UNC5C: variants seen among roughly 807,000 people sequenced by gnomAD.
UNC5C encodes the protein unc-5 netrin receptor C.
UNC5C carries 47 observed loss-of-function variants against 99.8 expected under a neutral mutation model. That is an observed-to-expected ratio of 0.47 (90% CI 0.37 to 0.60). UNC5C has a LOEUF of 0.60. Among genes scored for constraint, UNC5C ranks in the 20% least tolerant of loss-of-function variants. The pLI, the probability that UNC5C is intolerant of heterozygous loss-of-function variation, is 0.00. For synonymous variants in UNC5C, 487 were observed against 452.2 expected (o/e 1.08, Z -0.98); for missense variants, 1,062 against 1,165.9 (o/e 0.91, Z 1.30).
chr4:95,313,207 A>C (rs1742334851), intron 2 of UNC5C, among the ~76,000 whole-genome samples: 1 of 152,166 alleles, frequency 6.6e-6, no homozygotes, highest in Non-Finnish European at 1.5e-5. Flanking sequence ...ACATTCATTG[A>C]GTAAAGGAAT....
Position 95,202,928 on chromosome 4 carries a change from G to A in UNC5C, c.1939C>T (p.Pro647Ser), listed in dbSNP as rs760453427. 4 of 1,614,174 alleles carry A rather than the reference G, an allele frequency of 2.5e-6. No homozygotes were observed. The highest frequency in any genetic ancestry group is 3.4e-6 in the Non-Finnish European group (4 of 1,180,044). Residue 647 changes from proline to serine, a missense_variant, in exon 12 of 16, where the codon CCC becomes TCC. By Grantham distance (74) the Pro-to-Ser change is moderately conservative. This residue lies in a region of UNC5C where 810 missense variants were observed against 854.5 expected (regional missense o/e 0.95). Coordinates refer to ENST00000453304, the MANE Select transcript of UNC5C (RefSeq NM_003728.4). ...TCTGCATCCAGCTGAATGTAGCAGG[G>A]GGTGGTGAAGTTTTCCTCCCCGACC... ...VVVGEENFTT[P>S]CYIQLDAEAC... is the part of the protein sequence containing the mutation.
intron 7 of UNC5C, among the ~76,000 whole-genome samples, chr4:95,222,827 T>C (rs892673143): frequency 1.3e-5 from 2 of 152,194 alleles, no homozygotes; most frequent in Admixed American, 1.3e-4. Context: ...TGTTGTTTCT[T>C]GCCCCCTTCA....
intron 1 of UNC5C, among the ~76,000 whole-genome samples, chr4:95,512,395 A>ACAATAAGG (rs989477639): frequency 1.3e-5 from 2 of 152,144 alleles, no homozygotes; most frequent in Non-Finnish European, 2.9e-5. Flanking sequence ...TTTCAACCAA[A>ACAATAAGG]CAATAAGAAT....
intron 3 of UNC5C, among the ~76,000 whole-genome samples, chr4:95,298,880 G>T (rs558637779): frequency 6.6e-6 from 1 of 152,098 alleles, no homozygotes; most frequent in East Asian, 1.9e-4. Flanking sequence ...TGTTGTGAAA[G>T]GTAGTAAGAT....
intron 10 of UNC5C, among the ~76,000 whole-genome samples, chr4:95,214,795 G>A (rs921009017): frequency 6.6e-6 from 1 of 152,190 alleles, no homozygotes; most frequent in Admixed American, 6.5e-5. Context: ...CTGGAAGAGA[G>A]AAAGAAAAAT....
Position 95,462,206 on chromosome 4 carries a change from TTGACA to T in UNC5C, c.124+86523_124+86527del, listed in dbSNP as rs1747624299. 2.0e-5 allele frequency among the ~76,000 whole-genome samples: 3 copies of T among 152,176 alleles called. No homozygotes were observed. The South Asian group carries it at 6.2e-4, about 32-fold the overall frequency. On this transcript the variant is annotated intron_variant, in intron 1 of 15. Coordinates refer to ENST00000453304, the MANE Select transcript of UNC5C (RefSeq NM_003728.4). ...CTTTCTCTTTCTAAATATCTTCTGT[TTGACA>T]TATGTATGTGTACACATATTATACC... is the stretch of plus-strand genomic sequence containing the variant.
At chr4:95,507,843 C>T (rs1251969858) in intron 1 of UNC5C, among the ~76,000 whole-genome samples, 1 of 152,012 alleles carries the variant, frequency 6.6e-6, no homozygotes. Context: ...ATTTCTCTGT[C>T]ATCTTGTTGT....
At chr4:95,391,347 T>C (rs1294718416) in intron 1 of UNC5C, among the ~76,000 whole-genome samples, 1 of 152,202 alleles carries the variant, frequency 6.6e-6, no homozygotes, top group Non-Finnish European at 1.5e-5. Flanking sequence ...GTGATCCTTC[T>C]GCCTCTGCCT....
intron 3 of UNC5C, among the ~76,000 whole-genome samples, chr4:95,298,031 G>A (rs549804418): frequency 7.2e-5 from 11 of 152,332 alleles, no homozygotes; most frequent in South Asian, 6.2e-4. Context: ...AATATGGGCC[G>A]AGTGTGGTGG....
chr4:95,250,374 G>T, intron 5 of UNC5C, 113 bp downstream of exon 5: 3 of 1,154,044 alleles, frequency 2.6e-6, no homozygotes, highest in Admixed American at 2.5e-5. Flanking sequence ...GACAGAGCAA[G>T]ACCCTGTCTC....
At chr4:95,448,198 CTCTGTGTGTGTG>C (rs1391590254) in intron 1 of UNC5C, among the ~76,000 whole-genome samples, 11 of 103,946 alleles carry the variant, frequency 1.1e-4, no homozygotes, top group Admixed American at 8.7e-4. Flanking sequence ...ATGTGTGTGT[CTCTGTGTGTGTG>C]TGTGTGTGTG....
chr4:95,307,364 T>C (rs901431511), intron 2 of UNC5C, among the ~76,000 whole-genome samples: 3 of 152,184 alleles, frequency 2.0e-5, no homozygotes, highest in African/African-American at 7.2e-5. Context: ...AGTATAATTT[T>C]GTTAAAGTTA....
At chr4:95,275,775 C>T (rs905181942) in intron 4 of UNC5C, among the ~76,000 whole-genome samples, 1 of 152,200 alleles carries the variant, frequency 6.6e-6, no homozygotes, top group Non-Finnish European at 1.5e-5. Flanking sequence ...CTCAATAGAA[C>T]TAGCCATATG....
chr4:95,282,311 T>C (rs1006470398), intron 3 of UNC5C, among the ~76,000 whole-genome samples: 5 of 152,082 alleles, frequency 3.3e-5, no homozygotes, highest in South Asian at 2.1e-4. Flanking sequence ...GAAGTACTCA[T>C]AGGAGAGAAG....
intron 12 of UNC5C, among the ~76,000 whole-genome samples, chr4:95,192,516 A>AC (rs1737189141): frequency 3.3e-5 from 2 of 60,180 alleles, no homozygotes; most frequent in Non-Finnish European, 6.7e-5. Context: ...TCCCCTGCTC[A>AC]CCTCCTCCCC....
intron 1 of UNC5C, among the ~76,000 whole-genome samples, chr4:95,410,155 C>G (rs374546820): frequency 6.6e-6 from 1 of 152,224 alleles, no homozygotes; most frequent in East Asian, 1.9e-4. Flanking sequence ...GAGGGTATTA[C>G]TCCTTCTTCT....
chr4:95,250,396 A>C, intron 5 of UNC5C, 91 bp downstream of exon 5: 3 of 1,380,652 alleles, frequency 2.2e-6, no homozygotes, highest in Non-Finnish European at 3.0e-6. Context: ...AATAATATGA[A>C]ATTTTAAAAA....
intron 1 of UNC5C, among the ~76,000 whole-genome samples, chr4:95,370,760 T>A (rs1456628694): frequency 3.3e-5 from 5 of 152,208 alleles, no homozygotes; most frequent in African/African-American, 1.2e-4. Flanking sequence ...GGTTTATACT[T>A]TATCACAGTA....
At chr4:95,459,918 C>T (rs767408828) in intron 1 of UNC5C, among the ~76,000 whole-genome samples, 5 of 152,140 alleles carry the variant, frequency 3.3e-5, no homozygotes, top group Non-Finnish European at 5.9e-5. Context: ...TAAGAATGTG[C>T]ATGAAATATA....
Sources: allele counts gnomAD v4.1 joint callset (sites outside exome capture counted in the v4.1 genomes callset), GRCh38; gene constraint gnomAD v4.1.1; regional missense constraint gnomAD v4.1.1; transcripts MANE v1.5; gene names NCBI Gene and HGNC (gene_info 2026-07-23, HGNC 2026-07-21).